The following PCDH15 variants were observed in gnomAD, a reference collection of about 807,000 sequenced individuals.
PCDH15 encodes the protein protocadherin-15.
A neutral mutation model predicts 178.5 loss-of-function variants in PCDH15; 129 were observed. The ratio of observed to expected loss-of-function variants is 0.72; its 90% confidence interval spans 0.63 to 0.84. The LOEUF is 0.84. Among genes scored for constraint, PCDH15 ranks in the 40% least tolerant of loss-of-function variants. PCDH15 has a pLI of 0.00. For synonymous variants in PCDH15, 800 were observed against 732.0 expected (o/e 1.09, Z -1.50); for missense variants, 2,230 against 2,099.9 (o/e 1.06, Z -1.21).
At chr10:55,139,402 T>G (rs1378253331) in intron 2 of PCDH15, among the ~76,000 whole-genome samples, 1 of 152,030 alleles carries the variant, frequency 6.6e-6, no homozygotes, top group Non-Finnish European at 1.5e-5. Flanking sequence ...TTTCTTAAAG[T>G]CTTATAGTTT....
chr10:54,699,698 T>C (rs2095282266), intron 1 of PCDH15, among the ~76,000 whole-genome samples: 1 of 152,076 alleles, frequency 6.6e-6, no homozygotes, highest in Non-Finnish European at 1.5e-5. Flanking sequence ...ATATTCCTTA[T>C]ATTGAATGTC....
intron 2 of PCDH15, among the ~76,000 whole-genome samples, chr10:54,995,188 A>C (rs187996175): frequency 6.6e-6 from 1 of 152,188 alleles, no homozygotes; most frequent in Admixed American, 6.5e-5. Context: ...CATCCTGGCT[A>C]ACACGGTGAA....
At chr10:55,237,405 T>C (rs1301489580) in intron 1 of PCDH15, among the ~76,000 whole-genome samples, 10 of 152,166 alleles carry the variant, frequency 6.6e-5, no homozygotes, top group Admixed American at 6.5e-4. Context: ...CTTTAACTCA[T>C]AAAGAATACA....
intron 5 of PCDH15, among the ~76,000 whole-genome samples, chr10:54,349,961 C>A (rs1388763572): frequency 6.6e-6 from 1 of 151,688 alleles, no homozygotes; most frequent in Non-Finnish European, 1.5e-5. Flanking sequence ...TGAAAAATTG[C>A]AAGTAGAAAT....
At chr10:55,267,129 T>G (rs189726322) in intron 1 of PCDH15, among the ~76,000 whole-genome samples, 4 of 151,208 alleles carry the variant, frequency 2.6e-5, no homozygotes, top group Non-Finnish European at 5.9e-5. Flanking sequence ...AGGGGGAGGG[T>G]AGGAGAAGGA....
intron 1 of PCDH15, among the ~76,000 whole-genome samples, chr10:54,769,964 A>G (rs1948910828): frequency 6.6e-6 from 1 of 152,170 alleles, no homozygotes; most frequent in Admixed American, 6.5e-5. Flanking sequence ...TAGTCTAAAC[A>G]CATATGTATC....
chr10:53,927,054 G>A (rs1398441247), intron 25 of PCDH15, among the ~76,000 whole-genome samples: 1 of 152,086 alleles, frequency 6.6e-6, no homozygotes, highest in African/African-American at 2.4e-5. Flanking sequence ...CATATTAGAT[G>A]TGCCTCAAAA....
At chr10:54,696,535 A>C (rs959582437) in intron 1 of PCDH15, among the ~76,000 whole-genome samples, 1 of 152,244 alleles carries the variant, frequency 6.6e-6, no homozygotes, top group Non-Finnish European at 1.5e-5. Context: ...CATTTTGAAA[A>C]CATTTCTACT....
chr10:54,034,220 C>T (rs1240332025), intron 18 of PCDH15, among the ~76,000 whole-genome samples: 1 of 151,914 alleles, frequency 6.6e-6, no homozygotes. Context: ...TTTCCCAATA[C>T]TATCAATCAT....
At chr10:54,715,722 C>T (rs1260327405) in intron 1 of PCDH15, among the ~76,000 whole-genome samples, 1 of 152,084 alleles carries the variant, frequency 6.6e-6, no homozygotes, top group East Asian at 1.9e-4. Flanking sequence ...CCACGTCACA[C>T]TCAGACATAC....
At chr10:55,421,736 T>C (rs1838626268) in intron 2 of PCDH15, among the ~76,000 whole-genome samples, 1 of 151,608 alleles carries the variant, frequency 6.6e-6, no homozygotes, top group African/African-American at 2.4e-5. Context: ...GATGATTTGG[T>C]AGATAACCTG....
chr10:54,023,206 TAAAACAAA>T lies in PCDH15; in HGVS notation c.2221-17_2221-10del, dbSNP rs779527281. 5.0e-6 allele frequency: 8 copies of T among 1,611,306 alleles called. No homozygotes were observed. Among genetic ancestry groups the T allele is most frequent in the African/African-American group, 4.0e-5 (3 of 74,802 alleles). ...GCATCAGGGTCTGTTGCCTATTAAATAAAACAAAAAAACAAAAAAATTCACGTAAGTTT... is the reference window on the plus strand; with the variant it reads ...GCATCAGGGTCTGTTGCCTATTAAATAAAACAAAAAAATTCACGTAAGTTT... On this transcript the variant is annotated splice_polypyrimidine_tract_variant and intron_variant, in intron 18 of 37. Coordinates refer to ENST00000644397, the MANE Select transcript of PCDH15 (RefSeq NM_001384140.1).
At chr10:55,020,384 A>C (rs1840293801) in intron 2 of PCDH15, among the ~76,000 whole-genome samples, 1 of 124,826 alleles carries the variant, frequency 8.0e-6, no homozygotes, top group Non-Finnish European at 1.7e-5. Flanking sequence ...ATGAGAATGC[A>C]AAAAAAAAAA....
At chr10:53,986,535 C>T (rs1044026002) in intron 21 of PCDH15, among the ~76,000 whole-genome samples, 1 of 152,118 alleles carries the variant, frequency 6.6e-6, no homozygotes, top group African/African-American at 2.4e-5. Context: ...CCCATGTGTA[C>T]TGAAGCATTA....
intron 3 of PCDH15, among the ~76,000 whole-genome samples, chr10:54,526,227 C>A (rs2083350346): frequency 6.6e-6 from 1 of 152,128 alleles, no homozygotes; most frequent in Admixed American, 6.6e-5. Flanking sequence ...GCTATAATTA[C>A]CTAGTTGGCA....
intron 20 of PCDH15, among the ~76,000 whole-genome samples, chr10:54,011,038 G>A (rs1421693130): frequency 6.6e-6 from 1 of 152,140 alleles, no homozygotes; most frequent in Non-Finnish European, 1.5e-5. Flanking sequence ...CATATAGAGA[G>A]AAGCCCAGAC....
rs371035986 is a variant in PCDH15 at position 55,439,186 on chromosome 10, A to G, written c.-156+188439T>C. ...TCAAATTATTTTTTCCAGTCAAAGT[A>G]TAAGGACCTCCAAGTAAAACAGACC... On this transcript the variant is annotated intron_variant, in intron 2 of 5. Transcript: ENST00000613346. Among the ~76,000 whole-genome samples, 6 of 152,186 alleles carry G rather than the reference A, an allele frequency of 3.9e-5. No homozygotes were observed. The East Asian group carries it at 1.2e-3, about 29-fold the overall frequency.
intron 2 of PCDH15, among the ~76,000 whole-genome samples, chr10:55,476,017 T>C (rs1361992582): frequency 6.6e-6 from 1 of 152,108 alleles, no homozygotes; most frequent in Non-Finnish European, 1.5e-5. Flanking sequence ...ATTCGACAGT[T>C]ATGTATTCAA....
chr10:55,424,684 G>A (rs1838708801), intron 2 of PCDH15, among the ~76,000 whole-genome samples: 1 of 152,054 alleles, frequency 6.6e-6, no homozygotes, highest in South Asian at 2.1e-4. Flanking sequence ...CTGCTTTGGT[G>A]TATAGGAAAG....
Sources: gnomAD v4.1 joint callset for allele counts (sites outside exome capture counted in the v4.1 genomes callset) on GRCh38, gnomAD v4.1.1 for gene constraint, MANE v1.5 for transcripts, NCBI Gene and HGNC (gene_info 2026-07-23, HGNC 2026-07-21) for gene names.